The following ZNF385B variants were observed in gnomAD, a reference collection of about 807,000 sequenced individuals.
ZNF385B encodes zinc finger protein 533.
In ZNF385B, 23 loss-of-function variants were observed where a neutral mutation model predicts 39.2. The observed-to-expected ratio is 0.59, with a 90% CI of 0.42 to 0.83. ZNF385B has a LOEUF of 0.83. ZNF385B is among the 40% of genes least tolerant of loss of function. ZNF385B has a pLI of 0.00. For synonymous variants in ZNF385B, 205 were observed against 222.6 expected, an observed-to-expected ratio of 0.92 and a Z score of 0.70; for missense variants, 552 against 598.9, an observed-to-expected ratio of 0.92 and a Z score of 0.82.
chr2:179,473,134 T>C (rs544931136), intron 6 of ZNF385B, among the ~76,000 whole-genome samples: 31 of 152,216 alleles, frequency 2.0e-4, no homozygotes, highest in Admixed American at 2.6e-4. Flanking sequence ...AGTGGAAGGA[T>C]AGAAAGACAT....
At chr2:179,450,193 C>CA (rs1314188791) in intron 6 of ZNF385B, among the ~76,000 whole-genome samples, 3 of 151,848 alleles carry the variant, frequency 2.0e-5, no homozygotes, top group Admixed American at 2.0e-4. Context: ...TAGGCATGGG[C>CA]AAGGACTTCA....
chr2:179,736,524 C>T (rs1040434673), intron 3 of ZNF385B, among the ~76,000 whole-genome samples: 9 of 152,050 alleles, frequency 5.9e-5, no homozygotes, highest in African/African-American at 1.7e-4. Context: ...GACAGTTAAT[C>T]GTATTACACA....
intron 5 of ZNF385B, among the ~76,000 whole-genome samples, chr2:179,511,466 CA>C (rs2105777518): frequency 6.6e-6 from 1 of 152,266 alleles, no homozygotes; most frequent in African/African-American, 2.4e-5. Context: ...CCGAGGAGGG[CA>C]TAACCTAAAT....
intron 5 of ZNF385B, among the ~76,000 whole-genome samples, chr2:179,509,235 T>C (rs2057480473): frequency 6.6e-6 from 1 of 152,220 alleles, no homozygotes; most frequent in Non-Finnish European, 1.5e-5. Context: ...GTCTTTTCTT[T>C]TTTTTCATTG....
chr2:179,461,942 GA>G (rs2051384306), intron 6 of ZNF385B, among the ~76,000 whole-genome samples: 1 of 152,074 alleles, frequency 6.6e-6, no homozygotes, highest in Non-Finnish European at 1.5e-5. Flanking sequence ...AAGCCTTCCA[GA>G]ATAGCAAAGA....
At chr2:179,804,051 A>G (rs357712) in intron 1 of ZNF385B, among the ~76,000 whole-genome samples, 72,130 of 151,976 alleles carry the variant, frequency 0.47, 17,961 homozygotes, top group African/African-American at 0.61. Context: ...ACCAACACAA[A>G]TCTGTTTATC....
intron 3 of ZNF385B, among the ~76,000 whole-genome samples, chr2:179,648,702 G>C (rs768021834): frequency 1.3e-5 from 2 of 152,102 alleles, no homozygotes; most frequent in African/African-American, 4.8e-5. Flanking sequence ...TAGCAAGGAA[G>C]TGCTCAAAAA....
At chr2:179,668,784 A>C (rs1376490009) in intron 3 of ZNF385B, among the ~76,000 whole-genome samples, 1 of 152,174 alleles carries the variant, frequency 6.6e-6, no homozygotes, top group Non-Finnish European at 1.5e-5. Context: ...TCATAGTTTT[A>C]ATTCTAAAGA....
intron 1 of ZNF385B, among the ~76,000 whole-genome samples, chr2:179,806,231 C>A (rs1706340603): frequency 6.6e-6 from 1 of 151,998 alleles, no homozygotes; most frequent in African/African-American, 2.4e-5. Context: ...GCAAATAACC[C>A]AATACAAAAT....
intron 1 of ZNF385B, among the ~76,000 whole-genome samples, chr2:179,835,198 T>C (rs1708181612): frequency 6.6e-6 from 1 of 152,220 alleles, no homozygotes; most frequent in Admixed American, 6.5e-5. Flanking sequence ...TGTCTACAAC[T>C]AGCTTTGAAA....
chr2:179,763,314 T>C (rs964681783), intron 3 of ZNF385B, among the ~76,000 whole-genome samples: 3 of 152,228 alleles, frequency 2.0e-5, no homozygotes, highest in African/African-American at 7.2e-5. Context: ...AGTATTTGCT[T>C]ATTATATTTT....
At chr2:179,562,370 G>A (rs1212817971) in intron 3 of ZNF385B, 5 of 983,662 alleles carry the variant, frequency 5.1e-6, no homozygotes, top group African/African-American at 1.7e-5. Context: ...TCCTTAAGAT[G>A]TAAATGTGGG....
chr2:179,459,743 G>A (rs1165514729), intron 6 of ZNF385B, among the ~76,000 whole-genome samples: 5 of 150,770 alleles, frequency 3.3e-5, no homozygotes, highest in Admixed American at 3.3e-4. Context: ...TTTATTATAT[G>A]TAATAAATAT....
At chr2:179,469,600 G>A (rs1171723493) in intron 6 of ZNF385B, among the ~76,000 whole-genome samples, 1 of 152,126 alleles carries the variant, frequency 6.6e-6, no homozygotes, top group Non-Finnish European at 1.5e-5. Flanking sequence ...GTAAGTGGTG[G>A]GGTACATTTT....
At position 179,680,589 on chromosome 2, in the gene ZNF385B, T is replaced by C. The variant is rs546108570; in HGVS notation, c.298+88914A>G. 9.3e-4 allele frequency among the ~76,000 whole-genome samples: 142 copies of C among 152,288 alleles called. 1 individual carries two copies. The highest frequency in any genetic ancestry group is 3.2e-3 in the African/African-American group (134 of 41,588). ...CTTAAGTTTGTTAACTTTGTTATAA[T>C]TAATTAGGACAAACGATTAGGATTT... is the stretch of plus-strand genomic sequence containing the variant. On this transcript the variant is annotated intron_variant, in intron 3 of 9. Coordinates refer to ENST00000410066, the MANE Select transcript of ZNF385B (RefSeq NM_152520.6).
intron 1 of ZNF385B, among the ~76,000 whole-genome samples, chr2:179,832,801 G>A (rs74739544): frequency 1.0e-3 from 156 of 152,190 alleles, no homozygotes; most frequent in African/African-American, 3.0e-3. Flanking sequence ...AGACCTAACC[G>A]AATACACATT....
chr2:179,799,395 G>A (rs909572397), intron 1 of ZNF385B, among the ~76,000 whole-genome samples: 5 of 151,934 alleles, frequency 3.3e-5, no homozygotes, highest in South Asian at 4.1e-4. Context: ...ATTAAAATCT[G>A]CTGAAAATTA....
intron 3 of ZNF385B, among the ~76,000 whole-genome samples, chr2:179,744,917 T>C (rs1005898418): frequency 5.3e-5 from 8 of 152,026 alleles, no homozygotes; most frequent in Non-Finnish European, 8.8e-5. Flanking sequence ...AGGCTAACTT[T>C]GTGTCTGCCC....
At chr2:179,693,126 TAA>T (rs1698475590) in intron 3 of ZNF385B, among the ~76,000 whole-genome samples, 1 of 152,236 alleles carries the variant, frequency 6.6e-6, no homozygotes, top group African/African-American at 2.4e-5. Context: ...CATATTTTTC[TAA>T]GAGATCAGAA....
Sources: allele counts gnomAD v4.1 joint callset (sites outside exome capture counted in the v4.1 genomes callset), GRCh38; gene constraint gnomAD v4.1.1; transcripts MANE v1.5; gene names NCBI Gene and HGNC (gene_info 2026-07-23, HGNC 2026-07-21).